The following ATM variants were observed in gnomAD, a reference collection of about 807,000 sequenced individuals.
ATM encodes the protein ATM serine/threonine kinase, also known as serine-protein kinase ATM.
A neutral mutation model predicts 387.0 loss-of-function variants in ATM; 308 were observed. The ratio of observed to expected loss-of-function variants is 0.80; its 90% CI spans 0.73 to 0.87. The LOEUF is 0.87. Among genes scored for constraint, ATM ranks in the 40% least tolerant of loss-of-function variants. The pLI is 0.00. For synonymous variants in ATM, 1,156 were observed against 1,187.3 expected, an observed-to-expected ratio of 0.97 and a Z score of 0.54; for missense variants, 3,312 against 3,560.9, an observed-to-expected ratio of 0.93 and a Z score of 1.78.
intron 57 of ATM, 79 bp from the exon 58 acceptor site, chr11:108,345,662 CAT>C: frequency 2.5e-6 from 3 of 1,187,488 alleles, no homozygotes; most frequent in Non-Finnish European, 3.5e-6. Context: ...CTATATCTGT[CAT>C]ATTTTTATAT....
At chr11:108,253,755 C>T in intron 12 of ATM, 59 bp from the exon 13 acceptor site, 3 of 1,265,028 alleles carry the variant, frequency 2.4e-6, no homozygotes, top group Non-Finnish European at 3.4e-6. Flanking sequence ...ATTGCTAATA[C>T]ATATAAGGCA....
At chr11:108,354,289 CTTTACT>C (rs2089612292) in intron 60 of ATM, among the ~76,000 whole-genome samples, 1 of 152,160 alleles carries the variant, frequency 6.6e-6, no homozygotes, top group African/African-American at 2.4e-5. Flanking sequence ...AGCATCCCAC[CTTTACT>C]TTTAACACCT....
chr11:108,316,079 T>TC lies in ATM; in HGVS notation c.6168dup (p.Ser2057LeufsTer31). On this transcript the variant is annotated frameshift_variant, in exon 42 of 63. Coordinates refer to ENST00000675843, the MANE Select transcript of ATM (RefSeq NM_000051.4). LOFTEE classifies it high-confidence loss of function. ...GTAACATATGACCTCGAAACAGCAA[T>TC]CCCCTCATCAACACGCCAGGCAGGA... 6.2e-7 allele frequency: 1 copy of TC among 1,614,100 alleles called. No homozygotes were observed.
intron 22 of ATM, 29 bp downstream of exon 22, chr11:108,272,881 T>G: frequency 6.2e-7 from 1 of 1,613,534 alleles, no homozygotes; most frequent in Non-Finnish European, 8.5e-7. Context: ...ATGAAGTATT[T>G]GGAATGCTGC....
In ATM at chr11:108,304,774, G is replaced by A. The variant is rs1468995507; in HGVS notation, c.5596G>A (p.Val1866Ile). 2 of 1,613,826 alleles carry A rather than the reference G, an allele frequency of 1.2e-6. No individual in the cohort carries two copies. The highest frequency in any genetic ancestry group is 1.7e-6 in the Non-Finnish European group (2 of 1,179,974). ...ESWRNLLSTH[V>I]QGFFTSCLRH... ...ATGGAGAAATCTGCTTTCTACACAT[G>A]TTCAGGGATTTTTCACCAGCTGTCT... The change falls in exon 37 of 63, where the codon GTT becomes ATT. Residue 1866 changes from valine to isoleucine, a missense_variant. Physicochemically the swap from Val to Ile is conservative, Grantham distance 29. Around this residue, in one of 4 missense-constraint regions of ATM, gnomAD observed 1,405 missense variants for 1,604.4 expected, o/e 0.88. Transcript: ENST00000675843.
chr11:108,226,497 A>G (rs1172743480), intron 1 of ATM: 1 of 152,250 alleles, frequency 6.6e-6, no homozygotes, highest in African/African-American at 2.4e-5. Context: ...AAAGGATACC[A>G]CCATAGCATA....
At chr11:108,261,028 G>C (rs1419256782) in intron 16 of ATM, among the ~76,000 whole-genome samples, 1 of 152,172 alleles carries the variant, frequency 6.6e-6, no homozygotes, top group Non-Finnish European at 1.5e-5. Context: ...AGCAGTCTGA[G>C]ATCAAACTGC....
In ATM at chr11:108,310,181, T is replaced by A. The variant is rs1290871799; in HGVS notation, c.5784T>A (p.Phe1928Leu). 5.6e-6 allele frequency: 9 copies of A among 1,613,556 alleles called. No homozygotes were observed. The highest frequency in any genetic ancestry group is 7.6e-6 in the Non-Finnish European group (9 of 1,179,710). The change falls in exon 39 of 63, where the codon TTT (phenylalanine) becomes TTA (leucine). Residue 1928 changes from phenylalanine to leucine, a missense_variant. This residue lies in a region of ATM where 1,405 missense variants were observed against 1,604.4 expected (regional missense o/e 0.88). Coordinates refer to ENST00000675843, the MANE Select transcript of ATM (RefSeq NM_000051.4). The part of the protein sequence containing the change: ...RQKRPSSGTI[F>L]NDAFWLDLNY... ...TTAGACCTTCTTCAGGAACAATTTT[T>A]AATGATGCTTTCTGGCTGGATTTAA... is the stretch of plus-strand genomic sequence containing the variant.
chr11:108,295,109 G>T, intron 32 of ATM, 50 bp downstream of exon 32: 1 of 1,609,176 alleles, frequency 6.2e-7, no homozygotes, highest in East Asian at 2.2e-5. Flanking sequence ...CTTTTTGAAA[G>T]AATATTTTGC....
At chr11:108,257,837 GTT>G (rs1283001630) in intron 15 of ATM, among the ~76,000 whole-genome samples, 3 of 152,064 alleles carry the variant, frequency 2.0e-5, no homozygotes, top group Non-Finnish European at 1.5e-5. Context: ...ACTGGTTGGT[GTT>G]ACTGTTTTGG....
Position 108,319,981 on chromosome 11 carries a change from T to C in ATM, c.6375T>C (p.His2125=), listed in dbSNP as rs1591099942. Residue 2125 remains histidine (H), a synonymous_variant, in exon 44 of 63, where the codon CAT becomes CAC. Transcript: ENST00000675843. ...VSKEVEGTSY[H]ESLYNALQSL... is the part of the protein sequence containing the mutation. ...AAGAAGTAGAAGGAACCAGTTACCATGAATCATTGTACAATGCTCTACAAT... is the reference window on the plus strand; with the variant it reads ...AAGAAGTAGAAGGAACCAGTTACCACGAATCATTGTACAATGCTCTACAAT... 2.5e-6 allele frequency: 4 copies of C among 1,612,630 alleles called. No individual in the cohort carries two copies. The highest frequency in any genetic ancestry group is 3.4e-6 in the Non-Finnish European group (4 of 1,178,780).
Position 108,273,475 on chromosome 11 carries a change from G to A in ATM, c.3284+623G>A, listed in dbSNP as rs924938297. Among the ~76,000 whole-genome samples, 5 of 151,050 alleles carry A rather than the reference G, an allele frequency of 3.3e-5. No homozygotes were observed. The South Asian group carries it at 1.1e-3, about 32-fold the overall frequency. On this transcript the variant is annotated intron_variant, in intron 22 of 62. Transcript: ENST00000675843. ...TCCTGCCTCATCCTCCTGAGTAGCT[G>A]GGATTACAGGCGCCTGCCACCATGC...
At chr11:108,354,737 G>C (rs1441321117) in intron 60 of ATM, 74 bp from the exon 61 acceptor site, 1 of 1,233,782 alleles carries the variant, frequency 8.1e-7, no homozygotes, top group Non-Finnish European at 1.2e-6. Flanking sequence ...CTACACATGA[G>C]AGTATACAGA....
intron 7 of ATM, 21 bp downstream of exon 7, chr11:108,245,047 G>C (rs745612138): frequency 6.4e-7 from 1 of 1,571,560 alleles, no homozygotes; most frequent in Non-Finnish European, 8.7e-7. Context: ...AATGTTTACT[G>C]TTTTGAATTT....
At position 108,235,748 on chromosome 11, in the gene ATM, A is replaced by T. The variant is rs547082881; in HGVS notation, c.410A>T (p.Tyr137Phe). 3.7e-6 allele frequency: 6 copies of T among 1,612,894 alleles called. No homozygotes were observed. The highest frequency in any genetic ancestry group is 1.7e-4 in the Middle Eastern group (1 of 6,058). Residue 137 changes from tyrosine to phenylalanine, a missense_variant, in exon 5 of 63, where the codon TAC (tyrosine) becomes TTC (phenylalanine). Tyr to Phe is a conservative substitution (Grantham distance 22, BLOSUM62 3). Coordinates refer to ENST00000675843, the MANE Select transcript of ATM (RefSeq NM_000051.4). ...TVKDSSNGAI[Y>F]GADCSNILLK... is the part of the protein sequence containing the mutation. Reference sequence around the variant, plus strand: ...AAAGATTCATCTAATGGTGCTATTTACGGAGCTGATTGTAGCAACATACTA... The same window carrying T: ...AAAGATTCATCTAATGGTGCTATTTTCGGAGCTGATTGTAGCAACATACTA...
At chr11:108,246,873 A>T (rs2079871592) in intron 7 of ATM, 91 bp from the exon 8 acceptor site, 3 of 1,062,636 alleles carry the variant, frequency 2.8e-6, no homozygotes, top group East Asian at 2.5e-5. Context: ...TCTAACGCTG[A>T]TGCAGCTTGA....
At chr11:108,257,998 G>C (rs2080615884) in intron 15 of ATM, among the ~76,000 whole-genome samples, 1 of 152,130 alleles carries the variant, frequency 6.6e-6, no homozygotes, top group Non-Finnish European at 1.5e-5. Context: ...CTGGGCTCAA[G>C]TGATTCTCCC....
chr11:108,283,086 A>C (rs2082320616), intron 25 of ATM, among the ~76,000 whole-genome samples: 1 of 152,206 alleles, frequency 6.6e-6, no homozygotes, highest in African/African-American at 2.4e-5. Context: ...TAGCTGTGCC[A>C]ACAACCAGCT....
In ATM at chr11:108,331,230, C is replaced by G. The variant is rs995478425; in HGVS notation, c.7516-214C>G. The G allele has an allele frequency of 2.9e-5, 37 of 1,255,610 alleles. No individual in the cohort carries two copies. The South Asian group carries it at 6.4e-4, about 22-fold the overall frequency. The allele number at this position is 1,255,610 out of a possible 1,614,324, so 77.8% of individuals were successfully genotyped here. A position where few individuals can be genotyped will look rare whatever the true frequency, so the allele number is the denominator to read the frequency against. On this transcript the variant is annotated intron_variant, in intron 50 of 62. Coordinates refer to ENST00000675843, the MANE Select transcript of ATM (RefSeq NM_000051.4). ...TTCTGAATCCAGTTTAATTTAGGAC[C>G]AAATATTTTGATTTACCAATGCATT...
Sources: gnomAD v4.1 joint callset for allele counts (sites outside exome capture counted in the v4.1 genomes callset) on GRCh38, gnomAD v4.1.1 for gene constraint, gnomAD v4.1.1 regional missense constraint, MANE v1.5 for transcripts, NCBI Gene and HGNC (gene_info 2026-07-23, HGNC 2026-07-21) for gene names.